Variants in NSUN6 observed in about 807,000 individuals in gnomAD.
The protein encoded by NSUN6 is NOP2/Sun RNA methyltransferase 6.
NSUN6 carries 64 observed loss-of-function variants against 58.0 expected under a neutral mutation model. The observed-to-expected ratio is 1.10, with a 90% confidence interval of 0.90 to 1.36. The LOEUF is 1.36. Ranked by LOEUF, NSUN6 falls within the 40% of genes most tolerant of loss-of-function variation. The pLI, the probability that NSUN6 is intolerant of heterozygous loss-of-function variation, is 0.00. For synonymous variants in NSUN6, 231 were observed against 193.9 expected, an observed-to-expected ratio of 1.19 and a Z score of -1.59; for missense variants, 701 against 550.1, an observed-to-expected ratio of 1.27 and a Z score of -2.74.
intron 6 of NSUN6, among the ~76,000 whole-genome samples, chr10:18,607,814 C>G (rs1007343257): frequency 2.0e-5 from 3 of 152,220 alleles, no homozygotes; most frequent in Non-Finnish European, 4.4e-5. Flanking sequence ...ATGCAGCACA[C>G]AACAAACTAC....
chr10:18,605,897 T>C (rs2058031595), intron 6 of NSUN6, among the ~76,000 whole-genome samples: 1 of 152,106 alleles, frequency 6.6e-6, no homozygotes, highest in Non-Finnish European at 1.5e-5. Context: ...CAAACATTAT[T>C]CTCCAAAATG....
intron 6 of NSUN6, among the ~76,000 whole-genome samples, chr10:18,598,349 C>A (rs144277659): frequency 7.5e-4 from 115 of 152,372 alleles, no homozygotes; most frequent in Admixed American, 1.2e-3. Flanking sequence ...TTGCTGCTCA[C>A]ACAAAGCCTG....
intron 2 of NSUN6, among the ~76,000 whole-genome samples, chr10:18,645,490 G>A (rs11015323): frequency 0.038 from 5,748 of 152,132 alleles, 378 homozygotes; most frequent in African/African-American, 0.13. Context: ...GAAACAATAC[G>A]TAGCATCCGT....
At chr10:18,615,260 ACT>A (rs781353992) in intron 4 of NSUN6, among the ~76,000 whole-genome samples, 36 of 151,932 alleles carry the variant, frequency 2.4e-4, no homozygotes, top group Non-Finnish European at 4.7e-4. Flanking sequence ...TTCTGTAACA[ACT>A]CTCAGTGTTA....
chr10:18,554,018 G>T (rs970651483), intron 8 of NSUN6, among the ~76,000 whole-genome samples: 1 of 151,110 alleles, frequency 6.6e-6, no homozygotes, highest in Non-Finnish European at 1.5e-5. Flanking sequence ...ATTACAGAAT[G>T]GAATGGCATA....
At chr10:18,615,394 C>T (rs1028109397) in intron 4 of NSUN6, among the ~76,000 whole-genome samples, 2 of 152,130 alleles carry the variant, frequency 1.3e-5, no homozygotes, top group Admixed American at 6.6e-5. Context: ...GCTAAGAGAA[C>T]TGTTAAAATC....
chr10:18,560,956 GA>G (rs1447694571), intron 8 of NSUN6, among the ~76,000 whole-genome samples: 2 of 150,850 alleles, frequency 1.3e-5, no homozygotes, highest in African/African-American at 4.9e-5. Context: ...GAATAAAATG[GA>G]ACATGAAATG....
At chr10:18,625,168 T>C (rs898784213) in intron 3 of NSUN6, among the ~76,000 whole-genome samples, 2 of 152,180 alleles carry the variant, frequency 1.3e-5, no homozygotes, top group Admixed American at 1.3e-4. Context: ...GTTTTGCTTC[T>C]GTATGCTTTC....
intron 6 of NSUN6, among the ~76,000 whole-genome samples, chr10:18,608,996 T>C (rs1329208245): frequency 6.6e-6 from 1 of 152,164 alleles, no homozygotes; most frequent in Non-Finnish European, 1.5e-5. Flanking sequence ...CCTGAATTCA[T>C]AAAATGTCTG....
At chr10:18,557,585 T>C (rs2055136903) in intron 8 of NSUN6, among the ~76,000 whole-genome samples, 1 of 141,416 alleles carries the variant, frequency 7.1e-6, no homozygotes. Context: ...ATGAATGGAA[T>C]GGAGAATGGA....
chr10:18,553,428 G>GAATGGAATGGAATGCGA (rs1388138260), intron 8 of NSUN6, among the ~76,000 whole-genome samples: 1 of 151,336 alleles, frequency 6.6e-6, no homozygotes, highest in Non-Finnish European at 1.5e-5. Context: ...ATGGAATGGA[G>GAATGGAATGGAATGCGA]AATGGAATGG....
chr10:18,617,664 A>T (rs1393781660), intron 3 of NSUN6, among the ~76,000 whole-genome samples: 1 of 152,144 alleles, frequency 6.6e-6, no homozygotes, highest in African/African-American at 2.4e-5. Flanking sequence ...AGACGTCATT[A>T]TCTGCCCAGA....
intron 6 of NSUN6, among the ~76,000 whole-genome samples, chr10:18,599,592 T>G (rs2057726755): frequency 6.6e-6 from 1 of 152,128 alleles, no homozygotes; most frequent in Admixed American, 6.5e-5. Flanking sequence ...CATGCGCCAC[T>G]GCTGGACTAC....
intron 8 of NSUN6, among the ~76,000 whole-genome samples, chr10:18,553,248 C>T (rs111217846): frequency 1.3e-5 from 2 of 151,954 alleles, no homozygotes; most frequent in Admixed American, 6.6e-5. Context: ...ATTTCATTCT[C>T]CATTCCATTC....
intron 10 of NSUN6, among the ~76,000 whole-genome samples, chr10:18,547,889 G>C (rs1315365939): frequency 6.6e-6 from 1 of 152,152 alleles, no homozygotes; most frequent in African/African-American, 2.4e-5. Context: ...CCCAAGCTCT[G>C]TGCCATTTTA....
At chr10:18,614,324 A>G in intron 5 of NSUN6, 136 bp downstream of exon 5, 1 of 425,830 alleles carries the variant, frequency 2.3e-6, no homozygotes, top group Non-Finnish European at 3.9e-6. Flanking sequence ...TATGGGTTTA[A>G]ACAATTTTTT....
At chr10:18,550,718 C>A (rs959929559) in intron 9 of NSUN6, among the ~76,000 whole-genome samples, 2 of 128,880 alleles carry the variant, frequency 1.6e-5, no homozygotes, top group East Asian at 5.4e-4. Context: ...AGACGACCCC[C>A]AAAAAATCTC....
chr10:18,564,929 T>C (rs969335493), intron 8 of NSUN6, among the ~76,000 whole-genome samples: 1 of 150,908 alleles, frequency 6.6e-6, no homozygotes, highest in Non-Finnish European at 1.5e-5. Context: ...CCATTCTCCA[T>C]TCCATTCCAT....
intron 6 of NSUN6, among the ~76,000 whole-genome samples, chr10:18,598,140 C>T (rs1235719815): frequency 2.0e-5 from 3 of 152,182 alleles, no homozygotes; most frequent in Admixed American, 2.0e-4. Flanking sequence ...CTTGTAATCT[C>T]CCCCACCCTT....
Sources: gnomAD v4.1 joint callset for allele counts (sites outside exome capture counted in the v4.1 genomes callset) on GRCh38, gnomAD v4.1.1 for gene constraint, MANE v1.5 for transcripts, NCBI Gene and HGNC (gene_info 2026-07-23, HGNC 2026-07-21) for gene names.